PAM: variants seen among roughly 807,000 people sequenced by gnomAD.
PAM encodes the protein peptidylglycine alpha-amidating monooxygenase.
Under a neutral mutation model 122.1 loss-of-function variants are expected in PAM, and 72 were observed. The observed-to-expected ratio is 0.59, with a 90% CI of 0.49 to 0.72. The LOEUF (loss-of-function observed/expected upper bound fraction) is 0.72. Ranked by LOEUF, PAM falls within the 30% of genes least tolerant of loss-of-function variation. The pLI is 0.00. For missense variants in PAM, 1,106 were observed against 1,183.7 expected (o/e 0.93, Z 0.96); for synonymous variants, 389 against 404.4 (o/e 0.96, Z 0.46).
chr5:102,785,047 T>A (rs1760143364), intron 1 of PAM, among the ~76,000 whole-genome samples: 1 of 152,210 alleles, frequency 6.6e-6, no homozygotes, highest in South Asian at 2.1e-4. Context: ...CAAATAGACT[T>A]TTTTGTTGTT....
chr5:103,007,398 G>A, intron 19 of PAM, 59 bp from the exon 20 acceptor site: 1 of 1,372,042 alleles, frequency 7.3e-7, no homozygotes, highest in African/African-American at 1.4e-5. Context: ...ACATACTAGA[G>A]AGTCAAACTT....
intron 16 of PAM, among the ~76,000 whole-genome samples, chr5:102,999,979 T>C (rs141651793): frequency 1.3e-5 from 2 of 152,396 alleles, no homozygotes; most frequent in Admixed American, 6.5e-5. Context: ...TGCAAATTTC[T>C]GCAGCTGGCT....
intron 1 of PAM, among the ~76,000 whole-genome samples, chr5:102,863,011 T>A (rs1283625788): frequency 1.3e-5 from 2 of 149,638 alleles, no homozygotes; most frequent in African/African-American, 2.5e-5. Context: ...TAAAAAAAAA[T>A]GAAAATTAGA....
Position 102,763,808 on chromosome 5 carries a change from A to T in PAM, c.-374+8460A>T, listed in dbSNP as rs560363753. ...CCCTTGGCTGGTGGCCGGCCAGTCC[A>T]CAAAGGGTCTTGCTGGCCACATGAA... On this transcript the variant is annotated intron_variant, in intron 1 of 25. Coordinates refer to ENST00000438793, the MANE Select transcript of PAM (RefSeq NM_001177306.2). Among the ~76,000 whole-genome samples the T allele has an allele frequency of 7.2e-5, 11 of 152,344 alleles. No individual in the cohort carries two copies. In the South Asian group the frequency reaches 2.3e-3, roughly 32 times the overall value.
chr5:102,949,565 T>C lies in PAM; in HGVS notation c.672T>C (p.Tyr224=), dbSNP rs760494047. ...TGAATTCTGACATTTCATGCCATTA[T>C]AAAAATTATCCAATGCATGTCTTTG... ...KVVNSDISCH[Y]KNYPMHVFAY... is the part of the protein sequence containing the mutation. Residue 224 remains tyrosine, a synonymous_variant, in exon 10 of 26, where the codon TAT becomes TAC. Coordinates refer to ENST00000438793, the MANE Select transcript of PAM (RefSeq NM_001177306.2). 5.2e-6 allele frequency: 8 copies of C among 1,552,876 alleles called. No homozygotes were observed. The African/African-American group carries it at 1.1e-4, about 21-fold the overall frequency.
intron 3 of PAM, among the ~76,000 whole-genome samples, chr5:102,882,590 T>C (rs1791651040): frequency 6.6e-6 from 1 of 152,116 alleles, no homozygotes; most frequent in Admixed American, 6.6e-5. Flanking sequence ...TTCTGATTTG[T>C]TTGAGTTCCT....
intron 14 of PAM, among the ~76,000 whole-genome samples, chr5:102,971,191 A>T (rs762287871): frequency 1.3e-5 from 2 of 152,240 alleles, no homozygotes; most frequent in Non-Finnish European, 2.9e-5. Context: ...TATAAACCAC[A>T]GGTTGAAGCA....
intron 7 of PAM, among the ~76,000 whole-genome samples, chr5:102,939,368 T>C (rs1754333590): frequency 6.6e-6 from 1 of 152,136 alleles, no homozygotes; most frequent in Non-Finnish European, 1.5e-5. Flanking sequence ...TTTTCGAGTC[T>C]CATTTCTTTG....
At chr5:102,920,791 A>C (rs924403994) in intron 5 of PAM, among the ~76,000 whole-genome samples, 10 of 151,290 alleles carry the variant, frequency 6.6e-5, no homozygotes, top group African/African-American at 1.9e-4. Flanking sequence ...ACTTGAGGGC[A>C]TGACAATTTT....
intron 24 of PAM, among the ~76,000 whole-genome samples, chr5:103,025,685 A>G (rs1784757549): frequency 6.6e-6 from 1 of 152,166 alleles, no homozygotes; most frequent in Non-Finnish European, 1.5e-5. Flanking sequence ...ACCTGCTGTT[A>G]GGAAGAGGCC....
chr5:102,882,605 G>C (rs186579179), intron 3 of PAM, among the ~76,000 whole-genome samples: 17 of 152,146 alleles, frequency 1.1e-4, no homozygotes, highest in African/African-American at 4.1e-4. Flanking sequence ...GTTCCTTGTA[G>C]ATTCTGGAAA....
intron 23 of PAM, among the ~76,000 whole-genome samples, chr5:103,021,450 A>G (rs1582992933): frequency 6.6e-6 from 1 of 152,200 alleles, no homozygotes; most frequent in Admixed American, 6.5e-5. Context: ...CAGCTTAGCC[A>G]TACTGACCTC....
intron 21 of PAM, among the ~76,000 whole-genome samples, chr5:103,014,447 T>A (rs1334449330): frequency 6.6e-6 from 1 of 152,208 alleles, no homozygotes; most frequent in Non-Finnish European, 1.5e-5. Flanking sequence ...CCAAAACATA[T>A]AAATATATTC....
At chr5:102,881,931 T>C (rs1370650344) in intron 3 of PAM, among the ~76,000 whole-genome samples, 1 of 150,424 alleles carries the variant, frequency 6.6e-6, no homozygotes, top group South Asian at 2.1e-4. Context: ...TGAGAACATA[T>C]GATGTTTGGT....
intron 7 of PAM, among the ~76,000 whole-genome samples, chr5:102,937,910 A>G (rs1181318880): frequency 6.6e-6 from 1 of 152,190 alleles, no homozygotes; most frequent in Non-Finnish European, 1.5e-5. Context: ...ATTAATAAAG[A>G]TCAGAGTGGT....
chr5:102,822,089 C>G (rs547213721), intron 1 of PAM, among the ~76,000 whole-genome samples: 11 of 152,148 alleles, frequency 7.2e-5, no homozygotes, highest in African/African-American at 2.7e-4. Flanking sequence ...TAAAGGTCTT[C>G]AAAGAGAAAA....
In PAM at chr5:102,866,016, G is replaced by A. The variant is rs377076343; in HGVS notation, c.-180G>A. 37 of 459,180 alleles carry A rather than the reference G, an allele frequency of 8.1e-5. No homozygotes were observed. In the South Asian group the frequency reaches 1.4e-3, roughly 17 times the overall value. The allele number at this position is 459,180 out of a possible 1,614,324, so 28.4% of individuals were successfully genotyped here. Reference sequence around the variant, plus strand: ...CTTTTTGCCCGCCGCTCGTGACCGAGACGCCTCGCCGCGGCCAGCTCGCTG... The same window carrying A: ...CTTTTTGCCCGCCGCTCGTGACCGAAACGCCTCGCCGCGGCCAGCTCGCTG... On this transcript the variant is annotated 5_prime_UTR_variant, in exon 2 of 26. Transcript: ENST00000438793.
intron 22 of PAM, among the ~76,000 whole-genome samples, chr5:103,018,559 C>T (rs1379272660): frequency 6.6e-6 from 1 of 152,126 alleles, no homozygotes; most frequent in Non-Finnish European, 1.5e-5. Context: ...AAATGTGGCT[C>T]TCTCACCACC....
chr5:102,950,105 TGAGCTGTATAACCTCCTTTTTGCAAC>T, intron 11 of PAM, 127 bp downstream of exon 11: 1 of 631,132 alleles, frequency 1.6e-6, no homozygotes. Flanking sequence ...ACTGTATAAC[TGAGCTGTATAACCTCCTTTTTGCAAC>T]TTCCAATTTG....
Sources: allele counts gnomAD v4.1 joint callset (sites outside exome capture counted in the v4.1 genomes callset), GRCh38; gene constraint gnomAD v4.1.1; transcripts MANE v1.5; gene names NCBI Gene and HGNC (gene_info 2026-07-23, HGNC 2026-07-21).